Variants in ATXN1 observed in about 807,000 individuals in gnomAD.
The protein encoded by ATXN1 is ataxin 1.
Under a neutral mutation model 56.4 loss-of-function variants are expected in ATXN1, and 8 were observed. That is an observed-to-expected ratio of 0.14 (90% CI 0.08 to 0.26). The LOEUF (loss-of-function observed/expected upper bound fraction) is 0.26. ATXN1 is among the 10% of genes least tolerant of loss of function. ATXN1 has a pLI of 1.00. For synonymous variants in ATXN1, 514 were observed against 494.6 expected (o/e 1.04, Z -0.52); for missense variants, 987 against 1,106.5 (o/e 0.89, Z 1.53).
Position 16,327,515 on chromosome 6 carries a change from T to C in ATXN1, c.796A>G (p.Ile266Val). Residue 266 changes from isoleucine to valine, a missense_variant, in exon 7 of 8, where the codon ATC becomes GTC. Transcript: ENST00000436367. ...TGGTGGGGGTGGAGGTGGACGGGGA[T>C]GGCCGGAGGAGAGGCGGTGCGGCCG... ...NTGRTASPPA[I>V]PVHLHPHQTM... 1 of 1,611,978 alleles carries C rather than the reference T, an allele frequency of 6.2e-7. No homozygotes were observed. Among genetic ancestry groups the C allele is most frequent in the Non-Finnish European group, 8.5e-7 (1 of 1,179,500 alleles).
intron 3 of ATXN1, among the ~76,000 whole-genome samples, chr6:16,612,675 G>T (rs968189559): frequency 6.6e-6 from 1 of 151,682 alleles, no homozygotes; most frequent in South Asian, 2.1e-4. Flanking sequence ...GGCAGATCAC[G>T]AGGTCAAGAG....
At chr6:16,524,396 A>G (rs1761350767) in intron 4 of ATXN1, among the ~76,000 whole-genome samples, 1 of 152,210 alleles carries the variant, frequency 6.6e-6, no homozygotes, top group Admixed American at 6.5e-5. Context: ...TTTTAAAGCA[A>G]CACTTTATAA....
chr6:16,340,072 C>T (rs995027927), intron 6 of ATXN1, among the ~76,000 whole-genome samples: 2 of 152,222 alleles, frequency 1.3e-5, no homozygotes, highest in African/African-American at 2.4e-5. Context: ...TGAGCCACCG[C>T]GCCTGACCAT....
chr6:16,319,079 G>T (rs559218497), intron 7 of ATXN1, among the ~76,000 whole-genome samples: 5 of 152,108 alleles, frequency 3.3e-5, no homozygotes, highest in Non-Finnish European at 7.4e-5. Flanking sequence ...TTAGCTGGGC[G>T]TGGTGGTGTG....
chr6:16,751,222 G>C (rs1354569197), intron 2 of ATXN1, among the ~76,000 whole-genome samples: 1 of 152,100 alleles, frequency 6.6e-6, no homozygotes, highest in Non-Finnish European at 1.5e-5. Context: ...ACCCACCTCA[G>C]CCTCCCAAAG....
intron 4 of ATXN1, among the ~76,000 whole-genome samples, chr6:16,530,852 G>A (rs1184504483): frequency 6.6e-6 from 1 of 152,192 alleles, no homozygotes; most frequent in Non-Finnish European, 1.5e-5. Context: ...GTATGCGTGT[G>A]TGTGTATGTG....
chr6:16,674,488 TAC>T (rs1341312205), intron 2 of ATXN1, among the ~76,000 whole-genome samples: 5 of 151,564 alleles, frequency 3.3e-5, no homozygotes. Context: ...TAGCTGGGAT[TAC>T]AGGCGCCCAC....
intron 6 of ATXN1, among the ~76,000 whole-genome samples, chr6:16,471,191 A>AACACACACACACACAC (rs5874560): frequency 6.8e-6 from 1 of 148,010 alleles, no homozygotes; most frequent in African/African-American, 2.5e-5. Context: ...TGGCAATTAA[A>AACACACACACACACAC]ACACACACAC....
chr6:16,641,162 A>G (rs1763699891), intron 3 of ATXN1, among the ~76,000 whole-genome samples: 1 of 152,240 alleles, frequency 6.6e-6, no homozygotes, highest in East Asian at 1.9e-4. Flanking sequence ...AGATTTAAGG[A>G]AAGAAATCTT....
At chr6:16,604,298 C>A (rs144957004) in intron 3 of ATXN1, among the ~76,000 whole-genome samples, 1 of 148,160 alleles carries the variant, frequency 6.7e-6, no homozygotes, top group African/African-American at 2.5e-5. Flanking sequence ...CAAGACCAGC[C>A]TGGGCAACAC....
intron 3 of ATXN1, among the ~76,000 whole-genome samples, chr6:16,644,831 C>G (rs1320343229): frequency 1.3e-5 from 2 of 152,078 alleles, no homozygotes; most frequent in Non-Finnish European, 2.9e-5. Flanking sequence ...TGAGCAAAGC[C>G]TCTGAAAATC....
At chr6:16,318,652 C>G (rs750037616) in intron 7 of ATXN1, among the ~76,000 whole-genome samples, 1 of 152,242 alleles carries the variant, frequency 6.6e-6, no homozygotes, top group Non-Finnish European at 1.5e-5. Context: ...CAAAGCCTGA[C>G]TCAGTCCTTG....
intron 6 of ATXN1, among the ~76,000 whole-genome samples, chr6:16,366,746 A>C (rs1581717068): frequency 6.8e-6 from 1 of 147,926 alleles, no homozygotes; most frequent in Admixed American, 6.9e-5. Flanking sequence ...ACACCACTAC[A>C]CTCCAGCCTG....
intron 6 of ATXN1, among the ~76,000 whole-genome samples, chr6:16,395,892 G>A (rs1758446779): frequency 6.6e-6 from 1 of 151,850 alleles, no homozygotes; most frequent in Non-Finnish European, 1.5e-5. Flanking sequence ...GCACGTGCCT[G>A]TAATCTCAGC....
At chr6:16,737,028 TTA>T (rs960493410) in intron 2 of ATXN1, 2 of 152,228 alleles carry the variant, frequency 1.3e-5, no homozygotes, top group Non-Finnish European at 2.9e-5. Context: ...GTAACTTTTT[TTA>T]TATGATTATC....
chr6:16,415,058 C>T lies in ATXN1; in HGVS notation c.-161+70914G>A, dbSNP rs114177593. Among the ~76,000 whole-genome samples, 1,072 of 152,210 alleles carry T rather than the reference C, an allele frequency of 7.0e-3. 9 individuals are homozygous for T. The highest frequency in any genetic ancestry group is 0.024 in the African/African-American group (980 of 41,516). On this transcript the variant is annotated intron_variant, in intron 6 of 7. Coordinates refer to ENST00000436367, the MANE Select transcript of ATXN1 (RefSeq NM_001128164.2). ...TCATTTTTATAATTTTCAGAAGCAC[C>T]CACTTTCCTAGCTAGGATACCTACC...
intron 4 of ATXN1, among the ~76,000 whole-genome samples, chr6:16,575,275 G>A (rs899528187): frequency 1.3e-5 from 2 of 152,108 alleles, no homozygotes; most frequent in African/African-American, 4.8e-5. Context: ...ATCCACATCT[G>A]CCCATCTAAT....
intron 5 of ATXN1, among the ~76,000 whole-genome samples, chr6:16,494,043 G>A (rs920939299): frequency 3.9e-5 from 6 of 152,134 alleles, no homozygotes; most frequent in Middle Eastern, 6.8e-3. Context: ...AGCTTAAGTG[G>A]CAGGCAAACT....
intron 2 of ATXN1, among the ~76,000 whole-genome samples, chr6:16,734,431 G>C (rs770715360): frequency 6.6e-6 from 1 of 152,102 alleles, no homozygotes; most frequent in Admixed American, 6.5e-5. Flanking sequence ...TGAAAAAGTA[G>C]GGAAAAAAGA....
Sources: allele counts gnomAD v4.1 joint callset (sites outside exome capture counted in the v4.1 genomes callset), GRCh38; gene constraint gnomAD v4.1.1; transcripts MANE v1.5; gene names NCBI Gene and HGNC (gene_info 2026-07-23, HGNC 2026-07-21).